Variants in TSPEAR observed in about 807,000 individuals in gnomAD.
TSPEAR encodes the protein thrombospondin type laminin G domain and EAR repeats.
A neutral mutation model predicts 71.6 loss-of-function variants in TSPEAR; 69 were observed. That is an observed-to-expected ratio of 0.96 (90% CI 0.79 to 1.18). The LOEUF (loss-of-function observed/expected upper bound fraction) is 1.18, where lower values mean the gene tolerates loss of function less well. TSPEAR is among the 50% of genes most tolerant of loss of function. TSPEAR has a pLI of 0.00. For missense variants in TSPEAR, 971 were observed against 894.9 expected, an observed-to-expected ratio of 1.09 and a Z score of -1.09; for synonymous variants, 402 against 387.2, an observed-to-expected ratio of 1.04 and a Z score of -0.45.
Position 44,666,489 on chromosome 21 carries a change from A to T in TSPEAR, c.82+44944T>A, listed in dbSNP as rs1555944726. 3.7e-6 allele frequency: 6 copies of T among 1,608,126 alleles called. No homozygotes were observed. The South Asian group carries it at 6.7e-5, about 18-fold the overall frequency. On this transcript the variant is annotated intron_variant, in intron 1 of 11. Transcript: ENST00000323084. Reference sequence around the variant, plus strand: ...ACTGTAGGAGATGGGTCTGCAGAGGACGCTGGTGCAGGAGGGCTGGCAGCA... The same window carrying T: ...ACTGTAGGAGATGGGTCTGCAGAGGTCGCTGGTGCAGGAGGGCTGGCAGCA...
intron 1 of TSPEAR, among the ~76,000 whole-genome samples, chr21:44,587,041 C>T (rs1170004755): frequency 6.6e-6 from 1 of 152,122 alleles, no homozygotes; most frequent in Non-Finnish European, 1.5e-5. Context: ...CTAGCCAGAG[C>T]AATCAGACAA....
chr21:44,580,026 G>C, intron 1 of TSPEAR: 1 of 1,595,452 alleles, frequency 6.3e-7, no homozygotes. Flanking sequence ...CAGCAGATGG[G>C]TTTGCAGCAG....
chr21:44,531,583 G>A (rs1369346018), intron 3 of TSPEAR, among the ~76,000 whole-genome samples: 1 of 152,134 alleles, frequency 6.6e-6, no homozygotes, highest in African/African-American at 2.4e-5. Context: ...ATTCGGGGGG[G>A]GCACTTCACC....
intron 1 of TSPEAR, among the ~76,000 whole-genome samples, chr21:44,590,850 G>A (rs1272579293): frequency 6.6e-6 from 1 of 152,108 alleles, no homozygotes; most frequent in South Asian, 2.1e-4. Flanking sequence ...GGGCCGGGGG[G>A]CCATGTGCTG....
At chr21:44,514,986 A>G (rs1569156577) in intron 9 of TSPEAR, among the ~76,000 whole-genome samples, 1 of 152,058 alleles carries the variant, frequency 6.6e-6, no homozygotes, top group Non-Finnish European at 1.5e-5. Context: ...TTCTGGGAGA[A>G]AGTGAGGTCT....
chr21:44,524,336 A>G (rs1026475534), intron 8 of TSPEAR, among the ~76,000 whole-genome samples: 2 of 151,516 alleles, frequency 1.3e-5, no homozygotes, highest in Non-Finnish European at 2.9e-5. Flanking sequence ...GTCAGATAGT[A>G]AGTCAGTTAA....
At chr21:44,539,617 G>A (rs781927667) in intron 2 of TSPEAR, 1 of 1,613,856 alleles carries the variant, frequency 6.2e-7, no homozygotes, top group Non-Finnish European at 8.5e-7. Context: ...CCTGCTGGCA[G>A]GGGGAGGAGG....
chr21:44,654,275 C>G (rs782064197), intron 1 of TSPEAR: 3 of 1,613,114 alleles, frequency 1.9e-6, no homozygotes, highest in Non-Finnish European at 2.5e-6. Context: ...AGGCCACCTG[C>G]TCAGCAGCCA....
In TSPEAR at chr21:44,527,380, T is replaced by C; in HGVS notation, c.1061A>G (p.Tyr354Cys). ...TANRKATSAV[Y>C]KWTEEKFVSY... ...GACGAACTTCTCTTCGGTCCACTTG[T>C]AGACGGCGGATGTGGCTTTGCGATT... Residue 354 changes from tyrosine (Y) to cysteine (C), a missense_variant, in exon 7 of 12, where the codon TAC (tyrosine) becomes TGC (cysteine). Tyr to Cys is a radical substitution (Grantham distance 194). Coordinates refer to ENST00000323084, the MANE Select transcript of TSPEAR (RefSeq NM_144991.3). 2 of 1,614,232 alleles carry C rather than the reference T, an allele frequency of 1.2e-6. No individual in the cohort carries two copies. The highest frequency in any genetic ancestry group is 1.3e-5 in the African/African-American group (1 of 75,068).
intron 1 of TSPEAR, among the ~76,000 whole-genome samples, chr21:44,586,219 G>A (rs1419663096): frequency 6.6e-6 from 1 of 152,170 alleles, no homozygotes; most frequent in African/African-American, 2.4e-5. Flanking sequence ...CCTGTGTCAG[G>A]GTCTCTGGGA....
At chr21:44,594,581 G>C (rs587760630) in intron 1 of TSPEAR, among the ~76,000 whole-genome samples, 8 of 152,190 alleles carry the variant, frequency 5.3e-5, no homozygotes, top group Non-Finnish European at 1.2e-4. Context: ...AAAACAGGTC[G>C]TATGTTACAT....
At chr21:44,534,077 G>C (rs2053034446) in intron 2 of TSPEAR, among the ~76,000 whole-genome samples, 154 bp from the exon 3 acceptor site, 1 of 141,822 alleles carries the variant, frequency 7.1e-6, no homozygotes, top group African/African-American at 2.7e-5. Flanking sequence ...TGGATGGGAA[G>C]GGCAGGGTGG....
intron 1 of TSPEAR, among the ~76,000 whole-genome samples, chr21:44,607,474 A>G (rs150632117): frequency 1.2e-4 from 18 of 152,386 alleles, no homozygotes; most frequent in African/African-American, 4.1e-4. Flanking sequence ...AAAAATTAGT[A>G]AATGAACAAT....
chr21:44,676,991 AC>A, intron 1 of TSPEAR: 1 of 923,776 alleles, frequency 1.1e-6, no homozygotes, highest in Non-Finnish European at 1.8e-6. Context: ...ATTCCTTTCC[AC>A]CCAGGAAGGA....
intron 1 of TSPEAR, among the ~76,000 whole-genome samples, chr21:44,644,545 A>G (rs587667615): frequency 1.3e-5 from 2 of 152,386 alleles, no homozygotes; most frequent in Admixed American, 1.3e-4. Context: ...AAGCAGACAG[A>G]AACAGGTTAG....
At chr21:44,645,066 C>A (rs1468646893) in intron 1 of TSPEAR, among the ~76,000 whole-genome samples, 1 of 152,132 alleles carries the variant, frequency 6.6e-6, no homozygotes, top group Non-Finnish European at 1.5e-5. Context: ...GAATTTTATA[C>A]CCAGCTAAAC....
At chr21:44,675,670 G>A (rs587640645) in intron 1 of TSPEAR, among the ~76,000 whole-genome samples, 66 of 152,276 alleles carry the variant, frequency 4.3e-4, no homozygotes, top group African/African-American at 1.5e-3. Context: ...TACACGAGTT[G>A]CAAAGAAAGC....
intron 1 of TSPEAR, among the ~76,000 whole-genome samples, chr21:44,572,604 C>T (rs1323039599): frequency 6.6e-6 from 1 of 151,854 alleles, no homozygotes; most frequent in East Asian, 1.9e-4. Flanking sequence ...GCCTTCCCAT[C>T]CCGGGTTCTG....
chr21:44,690,648 G>T (rs1458224258), intron 1 of TSPEAR: 3 of 951,572 alleles, frequency 3.2e-6, no homozygotes, highest in Non-Finnish European at 3.8e-6. Context: ...CAGTTCTTAA[G>T]ATAAGCAGTA....
Sources: gnomAD v4.1 joint callset for allele counts (sites outside exome capture counted in the v4.1 genomes callset) on GRCh38, gnomAD v4.1.1 for gene constraint, MANE v1.5 for transcripts, NCBI Gene and HGNC (gene_info 2026-07-23, HGNC 2026-07-21) for gene names.